The following ZC3H12B variants were observed in gnomAD, a reference collection of about 807,000 sequenced individuals.
ZC3H12B encodes the protein zinc finger CCCH-type containing 12B, also known as probable ribonuclease ZC3H12B.
In ZC3H12B, 7 loss-of-function variants were observed where a neutral mutation model predicts 43.9. The observed-to-expected ratio is 0.16, with a 90% CI of 0.09 to 0.30. The LOEUF (loss-of-function observed/expected upper bound fraction) is 0.30, where lower values mean the gene tolerates loss of function less well. ZC3H12B is among the 10% of genes least tolerant of loss of function. The probability of loss-of-function intolerance (pLI) is 1.00; values close to 1 mark genes in which losing one functional copy is unlikely to be tolerated. For missense variants in ZC3H12B, 475 were observed against 670.2 expected (o/e 0.71, Z 3.22); for synonymous variants, 222 against 241.7 (o/e 0.92, Z 0.76).
the ZC3H12B span, among the ~76,000 whole-genome samples, chrX:65,143,451 C>T: frequency 9.0e-6 from 1 of 110,704 alleles, no homozygotes; most frequent in Non-Finnish European, 1.9e-5. Context: ...TTGAGATGAT[C>T]AAGTGATTTT....
At chrX:65,206,550 A>C in the ZC3H12B span, among the ~76,000 whole-genome samples, 2 of 112,294 alleles carry the variant, frequency 1.8e-5, no homozygotes, top group Non-Finnish European at 3.8e-5. Context: ...ACCTGAAACT[A>C]TAAAGATTCT....
chrX:65,490,094 C>T (rs751039540), intron 1 of ZC3H12B, among the ~76,000 whole-genome samples: 1 of 111,446 alleles, frequency 9.0e-6, no homozygotes, highest in South Asian at 3.8e-4. Context: ...AATGATAGCC[C>T]CCTAGAGATG....
chrX:65,048,503 G>A, the ZC3H12B span, among the ~76,000 whole-genome samples: 1 of 111,458 alleles, frequency 9.0e-6, no homozygotes, highest in African/African-American at 3.3e-5. Flanking sequence ...GTTTTCCAAA[G>A]TGGCTACACC....
the ZC3H12B span, chrX:65,185,739 G>A: frequency 9.0e-6 from 1 of 111,392 alleles, no homozygotes; most frequent in African/African-American, 3.3e-5. Flanking sequence ...AAGTTGGAAA[G>A]TAAAATTATA....
At chrX:65,466,547 T>C (rs970945064) in intron 3 of ZC3H12B, among the ~76,000 whole-genome samples, 2 of 110,053 alleles carry the variant, frequency 1.8e-5, no homozygotes, top group African/African-American at 6.5e-5. Context: ...GCAGATTTCT[T>C]TCCAAGATAC....
At chrX:65,367,713 A>T (rs911595450) in intron 1 of ZC3H12B, among the ~76,000 whole-genome samples, 4 of 110,833 alleles carry the variant, frequency 3.6e-5, no homozygotes, top group Non-Finnish European at 5.7e-5. Flanking sequence ...AAAACTTCTA[A>T]TTTTTTTCTT....
intron 3 of ZC3H12B, among the ~76,000 whole-genome samples, chrX:65,480,180 C>T (rs1023643502): frequency 6.5e-4 from 73 of 112,245 alleles, no homozygotes; most frequent in African/African-American, 2.3e-3. Context: ...CTGACATCAT[C>T]ATTAGTATAT....
the ZC3H12B span, chrX:65,186,004 C>G: frequency 9.0e-6 from 1 of 111,453 alleles, no homozygotes; most frequent in Non-Finnish European, 1.9e-5. Flanking sequence ...GTACTACAAT[C>G]AGAGAAAGGC....
At chrX:65,059,223 C>G in the ZC3H12B span, among the ~76,000 whole-genome samples, 42 of 68,646 alleles carry the variant, frequency 6.1e-4, 1 homozygote, top group Admixed American at 3.1e-3. Flanking sequence ...GGAACCACCC[C>G]CCCCCCGCCC....
chrX:65,237,478 T>C, the ZC3H12B span, among the ~76,000 whole-genome samples: 1 of 111,378 alleles, frequency 9.0e-6, no homozygotes, highest in East Asian at 2.8e-4. Context: ...GATGATGGGA[T>C]TTATTAGATA....
At chrX:65,401,933 G>A (rs146683991) in intron 3 of ZC3H12B, among the ~76,000 whole-genome samples, 4 of 111,986 alleles carry the variant, frequency 3.6e-5, no homozygotes, top group Non-Finnish European at 5.6e-5. Flanking sequence ...TACATCAAGG[G>A]CCTTGAGCAA....
At chrX:65,080,794 C>G in the ZC3H12B span, among the ~76,000 whole-genome samples, 1 of 111,534 alleles carries the variant, frequency 9.0e-6, no homozygotes, top group Middle Eastern at 4.7e-3. Flanking sequence ...GTACAAAACT[C>G]ACTGGTAATA....
chrX:65,380,679 C>A (rs1441477522), intron 2 of ZC3H12B, among the ~76,000 whole-genome samples: 1 of 111,701 alleles, frequency 9.0e-6, no homozygotes, highest in African/African-American at 3.3e-5. Context: ...GATAAAGAGT[C>A]AAGACCCATC....
the ZC3H12B span, among the ~76,000 whole-genome samples, chrX:65,169,802 C>T: frequency 8.9e-6 from 1 of 111,784 alleles, no homozygotes; most frequent in Non-Finnish European, 1.9e-5. Context: ...CCTTCTTTGT[C>T]TCTTTTGATC....
chrX:65,426,434 C>G (rs1214345086), intron 3 of ZC3H12B, among the ~76,000 whole-genome samples: 1 of 90,914 alleles, frequency 1.1e-5, no homozygotes, highest in Non-Finnish European at 2.2e-5. Context: ...CCTGGATTTG[C>G]TGATTTTTTG....
the ZC3H12B span, among the ~76,000 whole-genome samples, chrX:65,174,055 G>A: frequency 9.0e-6 from 1 of 111,270 alleles, no homozygotes; most frequent in African/African-American, 3.3e-5. Flanking sequence ...TGTTTGCCTG[G>A]GTAACACCAG....
the ZC3H12B span, among the ~76,000 whole-genome samples, chrX:65,044,478 AAATTGAG>A: frequency 9.0e-6 from 1 of 111,611 alleles, no homozygotes; most frequent in South Asian, 3.8e-4. Context: ...AGGCATTGAA[AAATTGAG>A]AGAGGGTGAT....
At chrX:65,211,302 C>G in the ZC3H12B span, among the ~76,000 whole-genome samples, 2 of 108,428 alleles carry the variant, frequency 1.8e-5, no homozygotes, top group Non-Finnish European at 3.8e-5. Context: ...AGAATTTATT[C>G]TTGTAACCAA....
At chrX:65,162,271 T>G in the ZC3H12B span, among the ~76,000 whole-genome samples, 13 of 111,012 alleles carry the variant, frequency 1.2e-4, no homozygotes, top group African/African-American at 3.9e-4. Flanking sequence ...CGAGGAGTAT[T>G]TTTGTGGTGT....
Sources: allele counts gnomAD v4.1 joint callset (sites outside exome capture counted in the v4.1 genomes callset), GRCh38; gene constraint gnomAD v4.1.1; transcripts MANE v1.5; gene names NCBI Gene and HGNC (gene_info 2026-07-23, HGNC 2026-07-21).